TAF4B: variants seen among roughly 807,000 people sequenced by gnomAD.
The protein encoded by TAF4B is transcription initiation factor TFIID subunit 4B.
In TAF4B, 38 loss-of-function variants were observed where a neutral mutation model predicts 86.4. The observed-to-expected ratio is 0.44, with a 90% confidence interval of 0.34 to 0.58. The LOEUF (loss-of-function observed/expected upper bound fraction) is 0.58, where lower values mean the gene tolerates loss of function less well. Among genes scored for constraint, TAF4B ranks in the 20% least tolerant of loss-of-function variants. The pLI is 0.02. For missense variants in TAF4B, 988 were observed against 1,027.6 expected (o/e 0.96, Z 0.53); for synonymous variants, 388 against 391.2 (o/e 0.99, Z 0.10).
chr18:26,272,965 C>G (rs1413022463), intron 3 of TAF4B, among the ~76,000 whole-genome samples: 2 of 152,066 alleles, frequency 1.3e-5, no homozygotes, highest in African/African-American at 4.8e-5. Context: ...CTTTATTGTT[C>G]TAGTCCTCAT....
intron 1 of TAF4B, among the ~76,000 whole-genome samples, chr18:26,251,123 A>G (rs2056000544): frequency 6.6e-6 from 1 of 152,168 alleles, no homozygotes; most frequent in African/African-American, 2.4e-5. Flanking sequence ...GAGTGGGCTT[A>G]TTCTGTGTGG....
intron 3 of TAF4B, among the ~76,000 whole-genome samples, chr18:26,268,224 A>G (rs997758453): frequency 6.6e-6 from 1 of 152,112 alleles, no homozygotes; most frequent in African/African-American, 2.4e-5. Flanking sequence ...GACAGTACAT[A>G]TCACTCCTTG....
intron 14 of TAF4B, among the ~76,000 whole-genome samples, chr18:26,382,235 A>G (rs1489251541): frequency 6.6e-6 from 1 of 152,218 alleles, no homozygotes; most frequent in Non-Finnish European, 1.5e-5. Context: ...CGATCTCTGG[A>G]CATAGTTTAT....
At chr18:26,293,136 A>G (rs1247613059) in intron 8 of TAF4B, among the ~76,000 whole-genome samples, 1 of 152,208 alleles carries the variant, frequency 6.6e-6, no homozygotes, top group African/African-American at 2.4e-5. Context: ...AAAAATACCA[A>G]TATAAGCAAT....
chr18:26,262,497 CAG>C (rs959676099), intron 1 of TAF4B, among the ~76,000 whole-genome samples: 4 of 147,098 alleles, frequency 2.7e-5, no homozygotes, highest in Non-Finnish European at 6.0e-5. Flanking sequence ...TTTTTTGAGA[CAG>C]AATCTCTCTG....
At chr18:26,318,218 A>G (rs2056931021) in intron 10 of TAF4B, among the ~76,000 whole-genome samples, 5 of 152,112 alleles carry the variant, frequency 3.3e-5, no homozygotes, top group Admixed American at 6.6e-5. Context: ...ATTTTTCTGT[A>G]GAGACAGGGT....
At chr18:26,317,834 A>G (rs2056926997) in intron 10 of TAF4B, among the ~76,000 whole-genome samples, 1 of 152,118 alleles carries the variant, frequency 6.6e-6, no homozygotes, top group South Asian at 2.1e-4. Context: ...AAAGGCCCCA[A>G]CTCCAAATAC....
At chr18:26,344,808 G>T (rs58582322) in intron 13 of TAF4B, among the ~76,000 whole-genome samples, 16,861 of 152,120 alleles carry the variant, frequency 0.11, 956 homozygotes, top group Middle Eastern at 0.14. Flanking sequence ...CAGAGAGAGC[G>T]CTGGAGTGTG....
At position 26,390,092 on chromosome 18, in the gene TAF4B, C is replaced by A; in HGVS notation, c.*80C>A. 1.4e-6 allele frequency: 2 copies of A among 1,386,164 alleles called. No individual in the cohort carries two copies. Among genetic ancestry groups the A allele is most frequent in the Non-Finnish European group, 9.7e-7 (1 of 1,028,646 alleles). 85.9% of individuals were successfully genotyped at this position (1,386,164 alleles called of 1,614,324 possible). On this transcript the variant is annotated 3_prime_UTR_variant, in exon 15 of 15. Transcript: ENST00000269142. ...GCATTGTTGCACTGTCCTGAAATTT[C>A]AATTTCTGGAAAATAATCACCAACA...
intron 13 of TAF4B, among the ~76,000 whole-genome samples, chr18:26,347,047 AGTAGCTGGGACTACAG>A (rs1311137357): frequency 1.3e-5 from 2 of 148,282 alleles, no homozygotes; most frequent in African/African-American, 4.9e-5. Context: ...CAGCCTCCCA[AGTAGCTGGGACTACAG>A]GTGCCCACCA....
intron 11 of TAF4B, among the ~76,000 whole-genome samples, chr18:26,326,178 A>C (rs2057003223): frequency 6.6e-6 from 1 of 152,190 alleles, no homozygotes; most frequent in Non-Finnish European, 1.5e-5. Flanking sequence ...TGCCTCCTCC[A>C]ACCCTGTCCC....
chr18:26,268,045 A>G (rs771514860), intron 3 of TAF4B, among the ~76,000 whole-genome samples: 9 of 152,160 alleles, frequency 5.9e-5, no homozygotes, highest in South Asian at 2.1e-4. Context: ...TTGTCCCACT[A>G]TGGGTTAACA....
rs2056520745 is a variant in TAF4B at position 26,286,233 on chromosome 18, G to A, written c.1324G>A (p.Ala442Thr). 1 of 1,614,186 alleles carries A rather than the reference G, an allele frequency of 6.2e-7. No individual in the cohort carries two copies. The highest frequency in any genetic ancestry group is 1.1e-5 in the South Asian group (1 of 91,076). The stretch of plus-strand genomic sequence containing the variant: ...TTCAAAACCACTTGTGACATCTGTG[G>A]CAAACACAGTGACCACGGTCTCACT... ...QTSKPLVTSV[A>T]NTVTTVSLQP... The change falls in exon 7 of 15, where the codon GCA becomes ACA. Residue 442 changes from alanine to threonine, a missense_variant. This residue lies in a region of TAF4B where 747 missense variants were observed against 737.9 expected (regional missense o/e 1.01). Transcript: ENST00000269142.
At chr18:26,321,556 T>A (rs2056963033) in intron 11 of TAF4B, among the ~76,000 whole-genome samples, 1 of 151,718 alleles carries the variant, frequency 6.6e-6, no homozygotes. Context: ...TCCTTTTTTT[T>A]TTTTTGCCTT....
chr18:26,341,754 T>C (rs1368266982), intron 13 of TAF4B, among the ~76,000 whole-genome samples: 1 of 152,164 alleles, frequency 6.6e-6, no homozygotes, highest in Non-Finnish European at 1.5e-5. Flanking sequence ...TGCTAATAAT[T>C]GTCTTTGAGG....
At chr18:26,314,333 C>T (rs188690185) in intron 9 of TAF4B, among the ~76,000 whole-genome samples, 31 of 152,256 alleles carry the variant, frequency 2.0e-4, no homozygotes, top group Non-Finnish European at 3.4e-4. Context: ...TCTTTCCTCT[C>T]CCTCTTCTTT....
chr18:26,254,265 T>C (rs1473396525), intron 1 of TAF4B, among the ~76,000 whole-genome samples: 1 of 152,138 alleles, frequency 6.6e-6, no homozygotes, highest in Non-Finnish European at 1.5e-5. Context: ...TTTCCTTTGT[T>C]CTTAGTCATT....
intron 1 of TAF4B, among the ~76,000 whole-genome samples, chr18:26,235,361 G>T (rs192162613): frequency 1.2e-4 from 19 of 152,268 alleles, no homozygotes; most frequent in Non-Finnish European, 1.6e-4. Flanking sequence ...AGTATAGGTT[G>T]TATTTGTTCC....
chr18:26,370,619 A>G (rs1330895327), intron 14 of TAF4B, among the ~76,000 whole-genome samples: 1 of 152,186 alleles, frequency 6.6e-6, no homozygotes, highest in African/African-American at 2.4e-5. Flanking sequence ...CTCAGGTTCC[A>G]GCAGCCCCCA....
Sources: allele counts gnomAD v4.1 joint callset (sites outside exome capture counted in the v4.1 genomes callset), GRCh38; gene constraint gnomAD v4.1.1; regional missense constraint gnomAD v4.1.1; transcripts MANE v1.5; gene names NCBI Gene and HGNC (gene_info 2026-07-23, HGNC 2026-07-21).